The following ATL1 variants were observed in gnomAD, a reference collection of about 807,000 sequenced individuals.
ATL1 encodes the protein atlastin-1.
ATL1 carries 31 observed loss-of-function variants against 75.5 expected under a neutral mutation model. The observed-to-expected ratio is 0.41, with a 90% confidence interval of 0.31 to 0.55. The LOEUF is 0.55. ATL1 is among the 20% of genes least tolerant of loss of function. ATL1 has a pLI of 0.27. For missense variants in ATL1, 405 were observed against 662.6 expected (o/e 0.61, Z 4.27); for synonymous variants, 226 against 233.3 (o/e 0.97, Z 0.28).
chr14:50,556,187 T>C (rs536498888), upstream of ATL1, among the ~76,000 whole-genome samples: 5 of 152,326 alleles, frequency 3.3e-5, no homozygotes, highest in South Asian at 1.0e-3. Flanking sequence ...TCACATACCA[T>C]AAAATTCACC....
At chr14:50,543,476 T>G (rs540029008) in intron 1 of ATL1, among the ~76,000 whole-genome samples, 12 of 152,348 alleles carry the variant, frequency 7.9e-5, no homozygotes, top group African/African-American at 2.9e-4. Context: ...GAATGCCTTG[T>G]TTTATCACCA....
chr14:50,539,554 G>C (rs759379741), intron 1 of ATL1, among the ~76,000 whole-genome samples: 5 of 152,210 alleles, frequency 3.3e-5, no homozygotes, highest in Non-Finnish European at 5.9e-5. Flanking sequence ...GTTCTGTTAT[G>C]CTAAAGTAAG....
rs561944937 is a variant in ATL1, at chr14:50,625,385, A to G, written c.1119+2137A>G. Among the ~76,000 whole-genome samples, 125 of 152,366 alleles carry G rather than the reference A, an allele frequency of 8.2e-4. 1 individual carries two copies. The highest frequency in any genetic ancestry group is 2.8e-3 in the African/African-American group (117 of 41,592). The stretch of plus-strand genomic sequence containing the variant: ...CAGCAAATCTTGATGTAGAAGCTAC[A>G]GCAAGTTATCCAGAAGATCTACCTG... On this transcript the variant is annotated intron_variant, in intron 11 of 13. Coordinates refer to ENST00000358385, the MANE Select transcript of ATL1 (RefSeq NM_015915.5).
intron 6 of ATL1, among the ~76,000 whole-genome samples, chr14:50,598,708 C>A (rs1339243366): frequency 6.6e-6 from 1 of 152,124 alleles, no homozygotes; most frequent in Non-Finnish European, 1.5e-5. Flanking sequence ...GGGCTCAATA[C>A]ACACTAAAAA....
intron 11 of ATL1, among the ~76,000 whole-genome samples, chr14:50,625,542 A>G (rs934499354): frequency 3.3e-5 from 5 of 152,190 alleles, no homozygotes; most frequent in Admixed American, 2.0e-4. Flanking sequence ...AAAGCTTGGA[A>G]GAACAGGCTG....
chr14:50,570,515 A>T (rs1400697218), intron 1 of ATL1, among the ~76,000 whole-genome samples: 1 of 152,184 alleles, frequency 6.6e-6, no homozygotes, highest in African/African-American at 2.4e-5. Flanking sequence ...TACTTAAGTT[A>T]CAGGCATGAA....
At chr14:50,602,592 G>C (rs2039281154) in intron 6 of ATL1, among the ~76,000 whole-genome samples, 2 of 151,994 alleles carry the variant, frequency 1.3e-5, no homozygotes, top group South Asian at 4.2e-4. Context: ...TTTCGACATG[G>C]TGGGTCTGTT....
At chr14:50,602,282 C>T (rs2039278426) in intron 6 of ATL1, among the ~76,000 whole-genome samples, 1 of 152,142 alleles carries the variant, frequency 6.6e-6, no homozygotes, top group Admixed American at 6.6e-5. Context: ...CTCTTGTCCT[C>T]TCAGTTCTGC....
Position 50,632,312 on chromosome 14 carries a change from T to A in ATL1, c.1650T>A (p.Thr550=), listed in dbSNP as rs1486848170. 1 of 1,612,814 alleles carries A rather than the reference T, an allele frequency of 6.2e-7. No individual in the cohort carries two copies. The highest frequency in any genetic ancestry group is 1.3e-5 in the African/African-American group (1 of 75,008). Residue 550 remains threonine (T), a synonymous_variant, in exon 14 of 14, where the codon ACT becomes ACA. Transcript: ENST00000358385. ...QAFPTPKSES[T]EQSEKKKM Reference sequence around the variant, plus strand: ...TCCCTACACCAAAGTCGGAATCTACTGAACAATCAGAAAAGAAAAAAATGT... The same window carrying A: ...TCCCTACACCAAAGTCGGAATCTACAGAACAATCAGAAAAGAAAAAAATGT...
intron 1 of ATL1, chr14:50,560,904 TC>T (rs2038835384): frequency 6.5e-6 from 1 of 153,040 alleles, no homozygotes; most frequent in South Asian, 2.0e-4. Flanking sequence ...ACTGCAGTAC[TC>T]CTCTTAATTT....
At chr14:50,610,254 A>T (rs927590398) in intron 6 of ATL1, among the ~76,000 whole-genome samples, 27 of 152,124 alleles carry the variant, frequency 1.8e-4, no homozygotes, top group African/African-American at 4.8e-4. Context: ...AATATGAGAA[A>T]ATACTTAGTA....
At chr14:50,570,812 T>G (rs1281733794) in intron 1 of ATL1, among the ~76,000 whole-genome samples, 1 of 152,222 alleles carries the variant, frequency 6.6e-6, no homozygotes, top group African/African-American at 2.4e-5. Flanking sequence ...TTGAAACTAA[T>G]AATGTGGTAA....
intron 1 of ATL1, among the ~76,000 whole-genome samples, chr14:50,536,880 A>T (rs1274790572): frequency 6.6e-6 from 1 of 152,252 alleles, no homozygotes; most frequent in African/African-American, 2.4e-5. Flanking sequence ...ATTCAGTCTT[A>T]TAAGGGAAGC....
intron 1 of ATL1, among the ~76,000 whole-genome samples, chr14:50,554,432 A>C (rs1268841677): frequency 1.3e-5 from 2 of 152,012 alleles, no homozygotes; most frequent in African/African-American, 4.8e-5. Context: ...TTCCCCTCAT[A>C]CCCCACTCAA....
upstream of ATL1, among the ~76,000 whole-genome samples, chr14:50,556,497 C>A (rs2038767158): frequency 6.6e-6 from 1 of 152,158 alleles, no homozygotes; most frequent in Non-Finnish European, 1.5e-5. Context: ...GGATTACAGG[C>A]GTGAGCCACT....
intron 1 of ATL1, among the ~76,000 whole-genome samples, chr14:50,579,500 T>C: frequency 6.6e-6 from 1 of 152,176 alleles, no homozygotes; most frequent in Admixed American, 6.5e-5. Context: ...ATTTGCATAA[T>C]AAAGATTTAT....
At chr14:50,538,761 C>G (rs952144067) in intron 1 of ATL1, among the ~76,000 whole-genome samples, 1 of 152,204 alleles carries the variant, frequency 6.6e-6, no homozygotes, top group Admixed American at 6.5e-5. Flanking sequence ...TTGCTAATCT[C>G]AGGATTCCTC....
chr14:50,541,664 T>C (rs1406634659), intron 1 of ATL1, among the ~76,000 whole-genome samples: 1 of 152,092 alleles, frequency 6.6e-6, no homozygotes, highest in Non-Finnish European at 1.5e-5. Context: ...CAGGAAACTG[T>C]ATGGAGTCTC....
upstream of ATL1, chr14:50,559,799 A>G (rs1595579150): frequency 6.2e-6 from 1 of 161,866 alleles, no homozygotes; most frequent in Non-Finnish European, 1.4e-5. Context: ...TACTTTGGCT[A>G]TATAAATGTT....
Sources: gnomAD v4.1 joint callset for allele counts (sites outside exome capture counted in the v4.1 genomes callset) on GRCh38, gnomAD v4.1.1 for gene constraint, MANE v1.5 for transcripts, NCBI Gene and HGNC (gene_info 2026-07-23, HGNC 2026-07-21) for gene names.